The following GPR153 variants were observed in gnomAD, a reference collection of about 807,000 sequenced individuals.
The protein encoded by GPR153 is G protein-coupled receptor 153, also known as probable G protein-coupled receptor 153.
A neutral mutation model predicts 34.1 loss-of-function variants in GPR153; 27 were observed. The observed-to-expected ratio is 0.79, with a 90% CI of 0.58 to 1.09. The LOEUF (loss-of-function observed/expected upper bound fraction) is 1.09, where lower values mean the gene tolerates loss of function less well. GPR153 is among the 50% of genes least tolerant of loss of function. The probability of loss-of-function intolerance (pLI) is 0.00; values close to 1 mark genes in which losing one functional copy is unlikely to be tolerated. For synonymous variants in GPR153, 408 were observed against 405.4 expected (o/e 1.01, Z -0.08); for missense variants, 848 against 860.2 (o/e 0.99, Z 0.18).
intron 5 of GPR153, 140 bp downstream of exon 5, chr1:6,250,300 T>C (rs1404402119): frequency 4.6e-5 from 66 of 1,443,480 alleles, no homozygotes; most frequent in Non-Finnish European, 5.9e-5. Context: ...GTGTGACCTT[T>C]GGACAGCCCG....
chr1:6,256,798 C>T (rs1163628429), intron 1 of GPR153, among the ~76,000 whole-genome samples: 1 of 152,192 alleles, frequency 6.6e-6, no homozygotes. Context: ...CTCCCACACC[C>T]GGCGAGACAT....
intron 1 of GPR153, among the ~76,000 whole-genome samples, 186 bp from the exon 2 acceptor site, chr1:6,255,200 TA>T (rs1432680142): frequency 1.1e-5 from 1 of 90,350 alleles, no homozygotes; most frequent in African/African-American, 4.4e-5. Context: ...GAGGTAAGAC[TA>T]TTTTTTTTTT....
chr1:6,253,108 G>C (rs1046365112), intron 3 of GPR153, among the ~76,000 whole-genome samples: 7 of 152,200 alleles, frequency 4.6e-5, no homozygotes, highest in African/African-American at 1.7e-4. Context: ...AACGGCCCTT[G>C]AGGCCAGATG....
rs1297056495 is a variant in GPR153 at position 6,254,154 on chromosome 1, T to C, written c.357-7A>G. ...CTTCTTGGCATTGCTCAGCCTGGCATGAGGCAGGGTGGAACAGAGGGATCT... is the reference window on the plus strand; with the variant it reads ...CTTCTTGGCATTGCTCAGCCTGGCACGAGGCAGGGTGGAACAGAGGGATCT... On this transcript the variant is annotated splice_polypyrimidine_tract_variant and splice_region_variant and intron_variant, in intron 2 of 5. Transcript: ENST00000377893. The C allele has an allele frequency of 1.9e-6, 3 of 1,600,310 alleles. No homozygotes were observed. The highest frequency in any genetic ancestry group is 2.6e-6 in the Non-Finnish European group (3 of 1,170,782).
intron 3 of GPR153, among the ~76,000 whole-genome samples, chr1:6,252,756 T>C (rs1325040277): frequency 6.6e-6 from 1 of 152,162 alleles, no homozygotes; most frequent in East Asian, 1.9e-4. Flanking sequence ...CTTTCGGGGA[T>C]GGGCGTAGAG....
Position 6,260,846 on chromosome 1 carries a change from C to G in GPR153, c.-131G>C, listed in dbSNP as rs1638662581. 6.6e-6 allele frequency: 1 copy of G among 151,068 alleles called. No individual in the cohort carries two copies. Among genetic ancestry groups the G allele is most frequent in the Non-Finnish European group, 1.5e-5 (1 of 67,712 alleles). The allele number at this position is 151,068 out of a possible 1,614,324, so 9.4% of individuals were successfully genotyped here. On this transcript the variant is annotated 5_prime_UTR_variant, in exon 1 of 6. Transcript: ENST00000377893. ...TCACCCTGCATTCGAGCGCCCGGGG[C>G]TCCGGCTCGCTGCTCCCGCCTCCGG...
At position 6,248,473 on chromosome 1, in the gene GPR153, T is replaced by G. The variant is rs1022393181; in HGVS notation, c.*865A>C. The G allele has an allele frequency of 6.6e-6, 1 of 152,030 alleles. No homozygotes were observed. Among genetic ancestry groups the G allele is most frequent in the Non-Finnish European group, 1.5e-5 (1 of 68,050 alleles). The allele number at this position is 152,030 out of a possible 1,614,324, so 9.4% of individuals were successfully genotyped here. ...GGGACAGGCAACGACGGCAGAGTAA[T>G]GAGGGTGGGGACACTAATGGTGGTC... On this transcript the variant is annotated 3_prime_UTR_variant, in exon 6 of 6. Coordinates refer to ENST00000377893, the MANE Select transcript of GPR153 (RefSeq NM_207370.4).
rs556164641 is a variant in GPR153, at chr1:6,247,393, G to A, written c.*1945C>T. On this transcript the variant is annotated 3_prime_UTR_variant, in exon 6 of 6. Transcript: ENST00000377893. ...AGTTTTTATTGGGTCCTGTACAGAAGAGAAATGCTCCGTTGTCAAAAAACT... is the reference window on the plus strand; with the variant it reads ...AGTTTTTATTGGGTCCTGTACAGAAAAGAAATGCTCCGTTGTCAAAAAACT... 2.0e-5 allele frequency: 3 copies of A among 152,240 alleles called. No homozygotes were observed. 9.4% of individuals were successfully genotyped at this position (152,240 alleles called of 1,614,324 possible). A position where few individuals can be genotyped will look rare whatever the true frequency, so the allele number is the denominator to read the frequency against.
At chr1:6,255,094 G>A (rs1270378299) in intron 1 of GPR153, 80 bp from the exon 2 acceptor site, 11 of 480,360 alleles carry the variant, frequency 2.3e-5, no homozygotes, top group Non-Finnish European at 4.0e-5. Flanking sequence ...TGGGATGGGA[G>A]ATGGCGAGCG....
At position 6,249,983 on chromosome 1, in the gene GPR153, G is replaced by A; in HGVS notation, c.1185C>T (p.Phe395=). 1.6e-6 allele frequency: 2 copies of A among 1,263,238 alleles called. No individual in the cohort carries two copies. Among genetic ancestry groups the A allele is most frequent in the Non-Finnish European group, 2.0e-6 (2 of 998,024 alleles). The allele number at this position is 1,263,238 out of a possible 1,614,324, so 78.3% of individuals were successfully genotyped here. A position where few individuals can be genotyped will look rare whatever the true frequency, so the allele number is the denominator to read the frequency against. ...CCCACACGTCCGCATCGTCGTGGGA[G>A]AAGCGCCGCGTGGGCGGGACCTGTC... is the stretch of plus-strand genomic sequence containing the variant. ...QYLQVPPTRR[F]SHDDADVWAA... Residue 395 remains phenylalanine (F), a synonymous_variant, in exon 6 of 6, where the codon TTC becomes TTT. Transcript: ENST00000377893. This position sits in a 1 kb window ranked among gnomAD's most constrained non-coding sequence, Gnocchi z 4.3.
At chr1:6,255,155 G>C (rs528641597) in intron 1 of GPR153, 141 bp from the exon 2 acceptor site, 1 of 413,450 alleles carries the variant, frequency 2.4e-6, no homozygotes, top group Non-Finnish European at 4.2e-6. Flanking sequence ...TAATTAAAAC[G>C]TGTTGAGATT....
intron 1 of GPR153, among the ~76,000 whole-genome samples, chr1:6,255,577 G>T (rs1044137164): frequency 3.7e-4 from 54 of 146,206 alleles, no homozygotes; most frequent in African/African-American, 1.4e-3. Flanking sequence ...TGGGCTCAAG[G>T]GATCCTCCCC....
intron 3 of GPR153, among the ~76,000 whole-genome samples, chr1:6,253,017 C>T (rs2281259): frequency 0.69 from 104,691 of 151,948 alleles, 36,199 homozygotes; most frequent in Admixed American, 0.75. Context: ...TACCTACCTA[C>T]GGCACCAAAG....
Position 6,251,527 on chromosome 1 carries a change from C to G in GPR153, c.790G>C (p.Val264Leu). The G allele has an allele frequency of 6.3e-7, 1 of 1,595,092 alleles. No homozygotes were observed. The highest frequency in any genetic ancestry group is 8.5e-7 in the Non-Finnish European group (1 of 1,172,414). ...DCLMGFPVLVVSFSSLRADAS... is the reference protein window; with the variant it reads ...DCLMGFPVLVLSFSSLRADAS... ...TCGGCCCGCAGGCTGCTGAAGCTCA[C>G]CACCTGTGGGCACAGGGCTCGGCCT... The change falls in exon 4 of 6, where the codon GTG becomes CTG. Residue 264 changes from valine (V) to leucine (L), a missense_variant. Coordinates refer to ENST00000377893, the MANE Select transcript of GPR153 (RefSeq NM_207370.4). This position sits in a 1 kb window ranked among gnomAD's most constrained non-coding sequence, Gnocchi z 4.9.
chr1:6,250,289 T>A, intron 5 of GPR153, 151 bp downstream of exon 5: 1 of 1,435,726 alleles, frequency 7.0e-7, no homozygotes, highest in Non-Finnish European at 9.1e-7. Flanking sequence ...CCACACAAGC[T>A]GTGTGACCTT....
In GPR153 at chr1:6,249,393, G is replaced by A. The variant is rs957167009; in HGVS notation, c.1775C>T (p.Ser592Phe). Residue 592 changes from serine (S) to phenylalanine (F), a missense_variant, in exon 6 of 6, where the codon TCC (serine) becomes TTC (phenylalanine). Coordinates refer to ENST00000377893, the MANE Select transcript of GPR153 (RefSeq NM_207370.4). The surrounding 1 kb of genome is among the most constrained non-coding windows in gnomAD (Gnocchi z 4.3). ...GSTSSFLSSPSESSGYATLHS... is the reference protein window; with the variant it reads ...GSTSSFLSSPFESSGYATLHS... Reference sequence around the variant, plus strand: ...CAGCGTGGCGTAGCCCGAGGACTCGGAGGGGGAACTCAGGAAGCTGCTGGT... The same window carrying A: ...CAGCGTGGCGTAGCCCGAGGACTCGAAGGGGGAACTCAGGAAGCTGCTGGT... 7.2e-7 allele frequency: 1 copy of A among 1,380,492 alleles called. No individual in the cohort carries two copies. The highest frequency in any genetic ancestry group is 9.3e-7 in the Non-Finnish European group (1 of 1,072,558). The allele number at this position is 1,380,492 out of a possible 1,614,324, so 85.5% of individuals were successfully genotyped here.
At chr1:6,250,396 C>T in intron 5 of GPR153, 44 bp downstream of exon 5, 1 of 1,525,550 alleles carries the variant, frequency 6.6e-7, no homozygotes, top group Non-Finnish European at 8.8e-7. Flanking sequence ...CTCAGGACAC[C>T]CTGTCACCCG....
chr1:6,259,951 T>G (rs184145614), intron 1 of GPR153, among the ~76,000 whole-genome samples: 3 of 151,350 alleles, frequency 2.0e-5, no homozygotes, highest in Non-Finnish European at 2.9e-5. Flanking sequence ...GCTGGGAAGT[T>G]TCTCCTGCAG....
At position 6,249,583 on chromosome 1, in the gene GPR153, G is replaced by A; in HGVS notation, c.1585C>T (p.Pro529Ser). 1 of 1,168,386 alleles carries A rather than the reference G, an allele frequency of 8.6e-7. No individual in the cohort carries two copies. The highest frequency in any genetic ancestry group is 1.6e-5 in the African/African-American group (1 of 61,866). The allele number at this position is 1,168,386 out of a possible 1,614,324, so 72.4% of individuals were successfully genotyped here. A position where few individuals can be genotyped will look rare whatever the true frequency, so the allele number is the denominator to read the frequency against. The change falls in exon 6 of 6, where the codon CCC becomes TCC. Residue 529 changes from proline (P) to serine (S), a missense_variant. Transcript: ENST00000377893. The surrounding 1 kb of genome is among the most constrained non-coding windows in gnomAD (Gnocchi z 4.3). ...GCCTCTCCGGGATCTGCGCCGTCGGGGGCGGCGGGCGCAGCGGGGAAGGGC... is the reference window on the plus strand; with the variant it reads ...GCCTCTCCGGGATCTGCGCCGTCGGAGGCGGCGGGCGCAGCGGGGAAGGGC... ...PGPFPAAPAAPDGADPGEAPT... is the reference protein window; with the variant it reads ...PGPFPAAPAASDGADPGEAPT...
Sources: gnomAD v4.1 joint callset for allele counts (sites outside exome capture counted in the v4.1 genomes callset) on GRCh38, gnomAD v4.1.1 for gene constraint, Gnocchi (gnomAD v3.1) non-coding constraint, MANE v1.5 for transcripts, NCBI Gene and HGNC (gene_info 2026-07-23, HGNC 2026-07-21) for gene names.